The following CDH11 variants were observed in gnomAD, a reference collection of about 807,000 sequenced individuals.
The protein encoded by CDH11 is cadherin-11.
A neutral mutation model predicts 67.8 loss-of-function variants in CDH11; 11 were observed. The observed-to-expected ratio is 0.16, with a 90% CI of 0.10 to 0.27. CDH11 has a LOEUF of 0.27. Ranked by LOEUF, CDH11 falls within the 10% of genes least tolerant of loss-of-function variation. CDH11 has a pLI of 1.00. For synonymous variants in CDH11, 419 were observed against 400.0 expected (o/e 1.05, Z -0.57); for missense variants, 847 against 1,031.2 (o/e 0.82, Z 2.45).
At position 65,004,964 on chromosome 16, in the gene CDH11, C is replaced by T. The variant is rs1036717826; in HGVS notation, c.-95G>A. On this transcript the variant is annotated 5_prime_UTR_variant, in exon 3 of 13. It adds an upstream start codon to the 5' untranslated region. Transcript: ENST00000268603. The stretch of plus-strand genomic sequence containing the variant: ...TGAGGGTGGCCTCCCGGACGCGTCA[C>T]GCAGACCTCTCTTGGGATGGAATGT... 34 of 1,434,870 alleles carry T rather than the reference C, an allele frequency of 2.4e-5. No homozygotes were observed. Among genetic ancestry groups the T allele is most frequent in the Admixed American group, 1.5e-4 (5 of 33,868 alleles). 88.9% of individuals were successfully genotyped at this position (1,434,870 alleles called of 1,614,324 possible). A position where few individuals can be genotyped will look rare whatever the true frequency, so the allele number is the denominator to read the frequency against.
intron 11 of CDH11, 145 bp downstream of exon 11, chr16:64,971,434 G>C (rs1025867663): frequency 5.1e-6 from 3 of 589,010 alleles, no homozygotes; most frequent in Non-Finnish European, 9.0e-6. Flanking sequence ...CCATGTTTCA[G>C]AACAGAGGTG....
intron 2 of CDH11, 104 bp from the exon 3 acceptor site, chr16:65,005,145 G>T: frequency 9.3e-7 from 1 of 1,076,472 alleles, no homozygotes; most frequent in Non-Finnish European, 1.2e-6. Flanking sequence ...TCACGTGGGA[G>T]CTACGGGCTT....
At chr16:64,957,275 A>G (rs1050828313) in intron 11 of CDH11, among the ~76,000 whole-genome samples, 1 of 152,126 alleles carries the variant, frequency 6.6e-6, no homozygotes. Context: ...CTTATGAAAA[A>G]GGCCACAGGG....
At chr16:65,061,687 T>G (rs556175809) in intron 1 of CDH11, among the ~76,000 whole-genome samples, 1 of 152,368 alleles carries the variant, frequency 6.6e-6, no homozygotes, top group South Asian at 2.1e-4. Flanking sequence ...TAATCATCTT[T>G]GGGGATTTAA....
At chr16:64,971,729 T>C (rs1315086514) in intron 10 of CDH11, 33 bp from the exon 11 acceptor site, 1 of 1,492,486 alleles carries the variant, frequency 6.7e-7, no homozygotes, top group Non-Finnish European at 9.3e-7. Flanking sequence ...AAATAAATCA[T>C]GCTGACATTG....
intron 2 of CDH11, among the ~76,000 whole-genome samples, chr16:65,016,581 C>G (rs530502885): frequency 6.6e-6 from 1 of 152,138 alleles, no homozygotes; most frequent in African/African-American, 2.4e-5. Context: ...ATATCTATTG[C>G]TCCAAATGCA....
At chr16:65,113,128 A>T (rs1024844064) in intron 1 of CDH11, among the ~76,000 whole-genome samples, 2 of 152,068 alleles carry the variant, frequency 1.3e-5, no homozygotes, top group African/African-American at 4.8e-5. Flanking sequence ...TCTACTAAAA[A>T]TACAAAAATT....
chr16:65,052,893 A>G (rs1403786653), intron 2 of CDH11, among the ~76,000 whole-genome samples: 1 of 152,236 alleles, frequency 6.6e-6, no homozygotes, highest in Non-Finnish European at 1.5e-5. Context: ...ATAGGAATCA[A>G]GAGGAATTAA....
chr16:65,019,247 T>C (rs994860317), intron 2 of CDH11, among the ~76,000 whole-genome samples: 1 of 152,196 alleles, frequency 6.6e-6, no homozygotes, highest in Admixed American at 6.5e-5. Flanking sequence ...TTTGGCAAGT[T>C]TGTCAAATAT....
intron 8 of CDH11, among the ~76,000 whole-genome samples, chr16:64,977,528 A>G (rs555706931): frequency 3.4e-4 from 52 of 152,324 alleles, no homozygotes; most frequent in African/African-American, 1.1e-3. Context: ...TAAACTTCAC[A>G]CTGTGAAGAT....
intron 2 of CDH11, among the ~76,000 whole-genome samples, chr16:65,025,847 G>C (rs1179306217): frequency 6.6e-6 from 1 of 152,166 alleles, no homozygotes; most frequent in Non-Finnish European, 1.5e-5. Flanking sequence ...CTGTAGTGTT[G>C]ACCTGTGAGT....
intron 2 of CDH11, chr16:65,007,034 G>A (rs1165544734): frequency 6.6e-6 from 1 of 152,220 alleles, no homozygotes; most frequent in African/African-American, 2.4e-5. Context: ...CCAAGAGGGT[G>A]ATGAGGTGCT....
intron 11 of CDH11, among the ~76,000 whole-genome samples, chr16:64,958,536 A>C (rs16968235): frequency 0.055 from 8,303 of 152,250 alleles, 338 homozygotes; most frequent in South Asian, 0.17. Context: ...AAAGATTATA[A>C]TATCCCATAT....
chr16:65,119,575 T>C (rs1055050999), intron 1 of CDH11, among the ~76,000 whole-genome samples: 4 of 152,178 alleles, frequency 2.6e-5, no homozygotes, highest in African/African-American at 7.2e-5. Flanking sequence ...AAGCAGCCAT[T>C]TGAATAAATC....
intron 1 of CDH11, among the ~76,000 whole-genome samples, chr16:65,115,725 A>AAAC (rs2075234268): frequency 7.4e-6 from 1 of 134,332 alleles, no homozygotes; most frequent in Admixed American, 7.7e-5. Context: ...AAAAAAACAA[A>AAAC]AAAACAAAAC....
chr16:65,100,554 C>T (rs2132543), intron 1 of CDH11, among the ~76,000 whole-genome samples: 35,184 of 151,684 alleles, frequency 0.23, 4,956 homozygotes, highest in Middle Eastern at 0.34. Flanking sequence ...CTGGTTGACA[C>T]GGTGAAACTC....
intron 1 of CDH11, among the ~76,000 whole-genome samples, chr16:65,097,350 T>A (rs373179382): frequency 2.6e-5 from 4 of 152,354 alleles, no homozygotes; most frequent in Middle Eastern, 3.4e-3. Flanking sequence ...ATTTACTTCA[T>A]AAGTCTCTAT....
intron 2 of CDH11, among the ~76,000 whole-genome samples, chr16:65,005,585 C>A (rs2142531587): frequency 6.6e-6 from 1 of 152,186 alleles, no homozygotes; most frequent in South Asian, 2.1e-4. Context: ...GGCAATGGAT[C>A]CTGTTAGGGA....
intron 1 of CDH11, among the ~76,000 whole-genome samples, chr16:65,095,874 T>A (rs967562845): frequency 6.6e-6 from 1 of 152,208 alleles, no homozygotes; most frequent in African/African-American, 2.4e-5. Context: ...AATGCCCTTA[T>A]AAAAGTGAAT....
Sources: gnomAD v4.1 joint callset for allele counts (sites outside exome capture counted in the v4.1 genomes callset) on GRCh38, gnomAD v4.1.1 for gene constraint, MANE v1.5 for transcripts, NCBI Gene and HGNC (gene_info 2026-07-23, HGNC 2026-07-21) for gene names.